SLC25A48: variants seen among roughly 807,000 people sequenced by gnomAD.
SLC25A48 encodes solute carrier family 25 member 48.
A neutral mutation model predicts 32.2 loss-of-function variants in SLC25A48; 29 were observed. The ratio of observed to expected loss-of-function variants is 0.90; its 90% CI spans 0.67 to 1.23. The LOEUF is 1.23. SLC25A48 is among the 50% of genes most tolerant of loss of function. The pLI is 0.00. For missense variants in SLC25A48, 399 were observed against 422.7 expected (o/e 0.94, Z 0.49); for synonymous variants, 164 against 172.3 (o/e 0.95, Z 0.38).
At chr5:135,751,634 G>A (rs1755772964) in intron 3 of SLC25A48, among the ~76,000 whole-genome samples, 2 of 152,060 alleles carry the variant, frequency 1.3e-5, no homozygotes, top group Admixed American at 1.3e-4. Context: ...AGGAGTTGGA[G>A]AACAGCCTGG....
At chr5:135,838,194 G>A (rs1758689967) in intron 1 of SLC25A48, among the ~76,000 whole-genome samples, 1 of 152,160 alleles carries the variant, frequency 6.6e-6, no homozygotes. Flanking sequence ...AGAGATCTGT[G>A]GAACTTTGAA....
At chr5:135,648,255 GTT>G (rs1753018675) in intron 3 of SLC25A48, among the ~76,000 whole-genome samples, 1 of 152,196 alleles carries the variant, frequency 6.6e-6, no homozygotes, top group South Asian at 2.1e-4. Context: ...AGTCTTGACA[GTT>G]TCGGGTCCTA....
chr5:135,818,054 C>CTCT (rs1757773517), intron 4 of SLC25A48, among the ~76,000 whole-genome samples: 18 of 80,666 alleles, frequency 2.2e-4, no homozygotes, highest in African/African-American at 8.3e-4. Flanking sequence ...TCTCTCTGTT[C>CTCT]CTCTCTCTCT....
At chr5:135,774,810 A>G in intron 3 of SLC25A48, among the ~76,000 whole-genome samples, 1 of 151,552 alleles carries the variant, frequency 6.6e-6, no homozygotes, top group South Asian at 2.1e-4. Flanking sequence ...CTAAATATTG[A>G]AAGGGGTGTA....
intron 4 of SLC25A48, among the ~76,000 whole-genome samples, chr5:135,855,559 T>A (rs1442274137): frequency 1.3e-5 from 2 of 152,138 alleles, no homozygotes; most frequent in African/African-American, 4.8e-5. Flanking sequence ...GAGCCACCAG[T>A]GAGAGTGAGG....
At chr5:135,761,721 C>T (rs1195908176) in intron 3 of SLC25A48, among the ~76,000 whole-genome samples, 5 of 152,226 alleles carry the variant, frequency 3.3e-5, no homozygotes, top group Non-Finnish European at 4.4e-5. Context: ...CATTCTCTTT[C>T]TGAAATGCCA....
At chr5:135,724,929 A>C (rs1755052529) in intron 3 of SLC25A48, among the ~76,000 whole-genome samples, 1 of 152,234 alleles carries the variant, frequency 6.6e-6, no homozygotes, top group Non-Finnish European at 1.5e-5. Context: ...TGTGTGAGGA[A>C]CACAGAACAG....
chr5:135,628,336 G>A (rs113556083), intron 1 of SLC25A48, among the ~76,000 whole-genome samples: 8 of 152,156 alleles, frequency 5.3e-5, no homozygotes, highest in South Asian at 4.2e-4. Flanking sequence ...AGGAACCTGG[G>A]GAGAATCCCT....
intron 3 of SLC25A48, among the ~76,000 whole-genome samples, chr5:135,645,967 A>G (rs967374116): frequency 6.6e-6 from 1 of 152,244 alleles, no homozygotes; most frequent in African/African-American, 2.4e-5. Context: ...ATGACCAGGC[A>G]ATAAGATGGC....
At chr5:135,697,055 A>T (rs1754283788) in intron 3 of SLC25A48, among the ~76,000 whole-genome samples, 1 of 152,246 alleles carries the variant, frequency 6.6e-6, no homozygotes, top group African/African-American at 2.4e-5. Context: ...TCTTGTCTGT[A>T]GCATGTACTC....
chr5:135,699,260 G>C (rs4610453), intron 3 of SLC25A48, among the ~76,000 whole-genome samples: 29,489 of 152,010 alleles, frequency 0.19, 3,033 homozygotes, highest in Middle Eastern at 0.33. Flanking sequence ...CCGGAAGCTG[G>C]AAACAAACCA....
intron 1 of SLC25A48, among the ~76,000 whole-genome samples, chr5:135,599,562 G>A (rs781029372): frequency 6.6e-6 from 1 of 152,194 alleles, no homozygotes. Context: ...CTGGAAGCAG[G>A]AGTGGGCTGC....
At chr5:135,650,629 C>T (rs1377853072) in intron 3 of SLC25A48, 2 of 320,600 alleles carry the variant, frequency 6.2e-6, no homozygotes, top group African/African-American at 4.5e-5. Context: ...ACTGTTAGCT[C>T]AGCCCTGGCC....
chr5:135,705,639 A>G (rs1255525933), intron 3 of SLC25A48, among the ~76,000 whole-genome samples: 1 of 152,188 alleles, frequency 6.6e-6, no homozygotes, highest in Admixed American at 6.5e-5. Context: ...ACATAAAAGT[A>G]CCTGTATATA....
At chr5:135,598,793 C>T (rs1751719199) in intron 1 of SLC25A48, among the ~76,000 whole-genome samples, 1 of 152,030 alleles carries the variant, frequency 6.6e-6, no homozygotes. Context: ...TAAAATTAGG[C>T]TCTGTACATC....
At chr5:135,871,807 G>A in intron 5 of SLC25A48, 89 bp downstream of exon 5, 2 of 1,578,404 alleles carry the variant, frequency 1.3e-6, no homozygotes, top group East Asian at 2.3e-5. Context: ...TCAGCCCAGG[G>A]GGAGGGCAGG....
intron 3 of SLC25A48, among the ~76,000 whole-genome samples, chr5:135,767,970 G>A (rs1756289842): frequency 6.8e-6 from 1 of 146,026 alleles, no homozygotes; most frequent in Non-Finnish European, 1.5e-5. Context: ...GGGGGGAGAG[G>A]ATAATATTAC....
rs7709132 is a variant in SLC25A48, at chr5:135,620,920, G to A, written c.-848-8317G>A. Among the ~76,000 whole-genome samples, 700 of 152,176 alleles carry A rather than the reference G, an allele frequency of 4.6e-3. 5 individuals carry two copies. Among genetic ancestry groups the A allele is most frequent in the African/African-American group, 0.016 (666 of 41,504 alleles). On this transcript the variant is annotated intron_variant, in intron 1 of 10. Transcript: ENST00000646290. Reference sequence around the variant, plus strand: ...GAGATCTCTCTCTTACCCCTTCCCCGCGTTAGGGAGCCTCTCCAGACTCAT... The same window carrying A: ...GAGATCTCTCTCTTACCCCTTCCCCACGTTAGGGAGCCTCTCCAGACTCAT...
chr5:135,882,738 A>G (rs1208505316), intron 7 of SLC25A48, among the ~76,000 whole-genome samples: 1 of 152,130 alleles, frequency 6.6e-6, no homozygotes, highest in Non-Finnish European at 1.5e-5. Context: ...CAACTCTGCC[A>G]TCCCTACCTG....
Sources: gnomAD v4.1 joint callset for allele counts (sites outside exome capture counted in the v4.1 genomes callset) on GRCh38, gnomAD v4.1.1 for gene constraint, MANE v1.5 for transcripts, NCBI Gene and HGNC (gene_info 2026-07-23, HGNC 2026-07-21) for gene names.